CPE: variants seen among roughly 807,000 people sequenced by gnomAD.
CPE encodes the protein carbocypeptidase E.
CPE carries 17 observed loss-of-function variants against 53.5 expected under a neutral mutation model. The ratio of observed to expected loss-of-function variants is 0.32; its 90% CI spans 0.22 to 0.48. The LOEUF (loss-of-function observed/expected upper bound fraction) is 0.48. Among genes scored for constraint, CPE ranks in the 20% least tolerant of loss-of-function variants. The probability of loss-of-function intolerance (pLI) is 0.99; values close to 1 mark genes in which losing one functional copy is unlikely to be tolerated. For synonymous variants in CPE, 226 were observed against 228.8 expected, an observed-to-expected ratio of 0.99 and a Z score of 0.11; for missense variants, 524 against 614.7, an observed-to-expected ratio of 0.85 and a Z score of 1.56.
At chr4:165,436,260 C>CCTCTTTAT (rs1731500445) in intron 1 of CPE, among the ~76,000 whole-genome samples, 1 of 151,922 alleles carries the variant, frequency 6.6e-6, no homozygotes, top group Non-Finnish European at 1.5e-5. Flanking sequence ...ATTAAAAAAT[C>CCTCTTTAT]CTCTTTATAC....
intron 1 of CPE, among the ~76,000 whole-genome samples, chr4:165,411,735 A>C (rs960711592): frequency 1.3e-5 from 2 of 152,204 alleles, no homozygotes; most frequent in South Asian, 2.1e-4. Context: ...CAAGTGATTA[A>C]TGCAATAAAA....
chr4:165,411,824 A>G (rs1393308682), intron 1 of CPE, among the ~76,000 whole-genome samples: 3 of 152,172 alleles, frequency 2.0e-5, no homozygotes, highest in Non-Finnish European at 4.4e-5. Context: ...GGTTCTACCC[A>G]TTGAAGCACT....
chr4:165,491,338 G>A (rs774069176), intron 6 of CPE, among the ~76,000 whole-genome samples: 20 of 152,190 alleles, frequency 1.3e-4, no homozygotes, highest in Non-Finnish European at 2.4e-4. Context: ...GGATTATAGT[G>A]CCTCAAGAGG....
intron 1 of CPE, among the ~76,000 whole-genome samples, chr4:165,458,832 G>A (rs534214921): frequency 1.3e-5 from 2 of 152,294 alleles, no homozygotes; most frequent in South Asian, 2.1e-4. Flanking sequence ...TATTAGATAG[G>A]TAGACAGACT....
chr4:165,484,677 AT>A (rs1732474842), intron 5 of CPE, 73 bp downstream of exon 5: 2 of 1,321,714 alleles, frequency 1.5e-6, no homozygotes, highest in African/African-American at 1.5e-5. Flanking sequence ...TTAGAGAGTG[AT>A]TTAGATTTAG....
At chr4:165,492,947 T>G (rs17847602) in intron 6 of CPE, among the ~76,000 whole-genome samples, 24,547 of 151,982 alleles carry the variant, frequency 0.16, 2,816 homozygotes, top group African/African-American at 0.33. Context: ...ATCTTTTTTT[T>G]GGGAAGCAAA....
At chr4:165,400,958 T>G (rs1054430053) in intron 1 of CPE, among the ~76,000 whole-genome samples, 4 of 152,162 alleles carry the variant, frequency 2.6e-5, no homozygotes, top group Non-Finnish European at 4.4e-5. Context: ...CTCAAAACTG[T>G]CCTAGTTTGG....
intron 1 of CPE, among the ~76,000 whole-genome samples, chr4:165,462,482 T>TA (rs769978979): frequency 3.1e-5 from 4 of 129,162 alleles, no homozygotes; most frequent in Non-Finnish European, 7.2e-5. Context: ...TGCAACTTTT[T>TA]CAAAAAAACT....
intron 1 of CPE, among the ~76,000 whole-genome samples, chr4:165,434,581 A>G (rs1282250904): frequency 6.6e-6 from 1 of 152,188 alleles, no homozygotes; most frequent in East Asian, 1.9e-4. Context: ...TTCAGCACCT[A>G]AAGAACTCGG....
At chr4:165,421,507 C>T (rs1731220050) in intron 1 of CPE, among the ~76,000 whole-genome samples, 1 of 152,192 alleles carries the variant, frequency 6.6e-6, no homozygotes, top group African/African-American at 2.4e-5. Flanking sequence ...GAATTGCTTG[C>T]TCTCCTCCAA....
intron 1 of CPE, among the ~76,000 whole-genome samples, chr4:165,393,379 A>AGTTTTTGAT (rs1163704449): frequency 6.6e-6 from 1 of 152,208 alleles, no homozygotes; most frequent in African/African-American, 2.4e-5. Flanking sequence ...TTTTCCAATT[A>AGTTTTTGAT]TAGGTTTTTG....
Position 165,379,872 on chromosome 4 carries a change from A to T in CPE, c.307+344A>T, listed in dbSNP as rs1182071214. Among the ~76,000 whole-genome samples, 1 of 151,750 alleles carries T rather than the reference A, an allele frequency of 6.6e-6. No individual in the cohort carries two copies. Among genetic ancestry groups the T allele is most frequent in the Non-Finnish European group, 1.5e-5 (1 of 68,014 alleles). On this transcript the variant is annotated intron_variant, in intron 1 of 8. Coordinates refer to ENST00000402744, the MANE Select transcript of CPE (RefSeq NM_001873.4). The surrounding 1 kb of genome is among the most constrained non-coding windows in gnomAD (Gnocchi z 6.0). ...GAAAAAACAAATCCTGACGCACGCA[A>T]CCCCAGCGGTCGCTCTCACTTTGCT...
At chr4:165,446,815 T>A (rs1731725377) in intron 1 of CPE, among the ~76,000 whole-genome samples, 6 of 152,230 alleles carry the variant, frequency 3.9e-5, no homozygotes, top group Admixed American at 3.9e-4. Flanking sequence ...TCAACAACAC[T>A]GCTGTTAGAA....
intron 3 of CPE, among the ~76,000 whole-genome samples, chr4:165,473,278 A>G (rs562105506): frequency 4.5e-4 from 68 of 152,318 alleles, no homozygotes; most frequent in African/African-American, 1.5e-3. Context: ...TTTACCATAC[A>G]AGATCCTTTC....
chr4:165,393,575 AG>A, intron 1 of CPE, among the ~76,000 whole-genome samples: 2 of 152,304 alleles, frequency 1.3e-5, no homozygotes, highest in African/African-American at 4.8e-5. Context: ...GAAGCCCAGG[AG>A]GCTTGGAACT....
At position 165,495,346 on chromosome 4, in the gene CPE, T is replaced by G. The variant is rs549005427; in HGVS notation, c.1214-213T>G. On this transcript the variant is annotated intron_variant, in intron 7 of 8. Coordinates refer to ENST00000402744, the MANE Select transcript of CPE (RefSeq NM_001873.4). Reference sequence around the variant, plus strand: ...TATTAGACAATTTAACATTGATATCTATAAAGTAGCTATAAGAAATGAAGC... The same window carrying G: ...TATTAGACAATTTAACATTGATATCGATAAAGTAGCTATAAGAAATGAAGC... 3.0e-4 allele frequency among the ~76,000 whole-genome samples: 46 copies of G among 152,316 alleles called. 1 individual carries two copies. The South Asian group carries it at 7.7e-3, about 25-fold the overall frequency.
intron 1 of CPE, among the ~76,000 whole-genome samples, chr4:165,453,294 T>C (rs1347339431): frequency 6.6e-6 from 1 of 151,876 alleles, no homozygotes; most frequent in East Asian, 1.9e-4. Flanking sequence ...TTTCTTTCCT[T>C]CTTTTTCTTT....
intron 7 of CPE, among the ~76,000 whole-genome samples, 180 bp downstream of exon 7, chr4:165,493,450 G>A (rs1340667195): frequency 2.0e-5 from 3 of 152,234 alleles, no homozygotes; most frequent in African/African-American, 7.2e-5. Context: ...AGTGAGTGGA[G>A]CCCAGGGCGG....
chr4:165,454,964 G>C (rs559591899), intron 1 of CPE, among the ~76,000 whole-genome samples: 3 of 152,252 alleles, frequency 2.0e-5, no homozygotes, highest in African/African-American at 7.2e-5. Context: ...GCTTCTGTGG[G>C]AATTAATGAC....
Sources: gnomAD v4.1 joint callset for allele counts (sites outside exome capture counted in the v4.1 genomes callset) on GRCh38, gnomAD v4.1.1 for gene constraint, Gnocchi (gnomAD v3.1) non-coding constraint, MANE v1.5 for transcripts, NCBI Gene and HGNC (gene_info 2026-07-23, HGNC 2026-07-21) for gene names.